Variants in ROBO2 observed in about 807,000 individuals in gnomAD.
ROBO2 encodes roundabout guidance receptor 2.
ROBO2 carries 53 observed loss-of-function variants against 160.8 expected under a neutral mutation model. That is an observed-to-expected ratio of 0.33 (90% confidence interval 0.26 to 0.41). The LOEUF (loss-of-function observed/expected upper bound fraction) is 0.41. ROBO2 is among the 10% of genes least tolerant of loss of function. The pLI is 1.00. For missense variants in ROBO2, 1,577 were observed against 1,722.4 expected (o/e 0.92, Z 1.49); for synonymous variants, 664 against 611.7 (o/e 1.09, Z -1.26).
At chr3:75,916,816 C>T (rs1946829713) in intron 1 of ROBO2, among the ~76,000 whole-genome samples, 1 of 7,504 alleles carries the variant, frequency 1.3e-4, no homozygotes, top group African/African-American at 4.4e-4. Context: ...CTCTTTAGTT[C>T]TTAGCTGATG....
At chr3:77,357,234 C>A (rs1253984366) in intron 2 of ROBO2, among the ~76,000 whole-genome samples, 2 of 152,060 alleles carry the variant, frequency 1.3e-5, no homozygotes, top group Non-Finnish European at 2.9e-5. Flanking sequence ...AGAGGTAGGA[C>A]CTTTATGAGA....
chr3:77,017,592 C>T (rs1402372341), intron 2 of ROBO2, among the ~76,000 whole-genome samples: 1 of 151,996 alleles, frequency 6.6e-6, no homozygotes, highest in African/African-American at 2.4e-5. Context: ...ACTTCTAGGG[C>T]TCTTATGTAA....
In ROBO2 at chr3:76,241,975, C is replaced by A. The variant is rs1705314913; in HGVS notation, c.109+304373C>A. On this transcript the variant is annotated intron_variant, in intron 2 of 26. Transcript: ENST00000487694. ...TAAGGGATACTAGAACTGTCAGATA[C>A]TATAAATAAAGTATGTTGAGTAGAA... Among the ~76,000 whole-genome samples, 3 of 152,142 alleles carry A rather than the reference C, an allele frequency of 2.0e-5. No individual in the cohort carries two copies. In the South Asian group the frequency reaches 6.2e-4, roughly 32 times the overall value.
chr3:77,415,868 G>T (rs2077174958), intron 2 of ROBO2, among the ~76,000 whole-genome samples: 1 of 152,152 alleles, frequency 6.6e-6, no homozygotes, highest in African/African-American at 2.4e-5. Flanking sequence ...AAACAGGAGG[G>T]CATATTACAG....
chr3:77,480,107 T>TA (rs557885792), intron 3 of ROBO2, among the ~76,000 whole-genome samples: 5 of 152,002 alleles, frequency 3.3e-5, no homozygotes, highest in Admixed American at 6.6e-5. Context: ...TTCACCTATG[T>TA]AAAAAAAAGT....
intron 2 of ROBO2, among the ~76,000 whole-genome samples, chr3:77,413,817 A>G (rs1290346247): frequency 6.6e-6 from 1 of 152,188 alleles, no homozygotes; most frequent in East Asian, 1.9e-4. Flanking sequence ...CTGGAGAGAG[A>G]TGCAAATGTT....
At chr3:76,028,126 G>A (rs1382201076) in intron 2 of ROBO2, among the ~76,000 whole-genome samples, 1 of 149,438 alleles carries the variant, frequency 6.7e-6, no homozygotes, top group Non-Finnish European at 1.5e-5. Context: ...AAAATATACT[G>A]AGATGAGAAA....
chr3:76,021,811 A>G (rs981627507), intron 2 of ROBO2, among the ~76,000 whole-genome samples: 1 of 151,770 alleles, frequency 6.6e-6, no homozygotes, highest in African/African-American at 2.4e-5. Flanking sequence ...CAGCTGACCA[A>G]TCAGGGTGGT....
At chr3:77,474,251 C>A (rs1002212415) in intron 2 of ROBO2, among the ~76,000 whole-genome samples, 2 of 152,128 alleles carry the variant, frequency 1.3e-5, no homozygotes, top group Non-Finnish European at 2.9e-5. Flanking sequence ...CCCTAAGAAA[C>A]GGAGTATATA....
chr3:77,289,221 T>C (rs937637677), intron 2 of ROBO2, among the ~76,000 whole-genome samples: 1 of 152,156 alleles, frequency 6.6e-6, no homozygotes, highest in Non-Finnish European at 1.5e-5. Flanking sequence ...TTAATAGCAG[T>C]TTTTAGCCAG....
Position 76,149,616 on chromosome 3 carries a change from A to G in ROBO2, c.109+212014A>G, listed in dbSNP as rs144430109. ...CTAAAACACACATCATCTGTCTAAA[A>G]CACACATCTGTCTAAAGCACACATC... On this transcript the variant is annotated intron_variant, in intron 2 of 26. Coordinates refer to the ROBO2 transcript ENST00000487694. Among the ~76,000 whole-genome samples, 167 of 122,286 alleles carry G rather than the reference A, an allele frequency of 1.4e-3. 21 individuals are homozygous for G. The highest frequency in any genetic ancestry group is 2.0e-3 in the Non-Finnish European group (103 of 52,252). 80.2% of individuals were successfully genotyped at this position (122,286 alleles called of 152,430 possible). A position where few individuals can be genotyped will look rare whatever the true frequency, so the allele number is the denominator to read the frequency against.
intron 2 of ROBO2, among the ~76,000 whole-genome samples, chr3:76,614,167 A>G (rs999256597): frequency 2.0e-5 from 3 of 152,116 alleles, no homozygotes; most frequent in Admixed American, 2.0e-4. Flanking sequence ...TATCAGCCTG[A>G]GTTCAAGAAG....
At chr3:76,571,771 G>GA (rs773554919) in intron 2 of ROBO2, among the ~76,000 whole-genome samples, 4 of 151,704 alleles carry the variant, frequency 2.6e-5, no homozygotes, top group African/African-American at 9.7e-5. Context: ...TTATGTACAG[G>GA]AAAAAAAATG....
chr3:77,446,633 G>A (rs6548508), intron 2 of ROBO2, among the ~76,000 whole-genome samples: 92,683 of 151,886 alleles, frequency 0.61, 28,538 homozygotes, highest in East Asian at 0.71. Flanking sequence ...CTTAAACACT[G>A]TATATGGTTT....
At chr3:76,266,785 T>C (rs1707125807) in intron 2 of ROBO2, among the ~76,000 whole-genome samples, 1 of 152,096 alleles carries the variant, frequency 6.6e-6, no homozygotes, top group African/African-American at 2.4e-5. Context: ...CTACCAAACT[T>C]TTGTGATATT....
chr3:76,443,289 C>T (rs2077013596), intron 2 of ROBO2, among the ~76,000 whole-genome samples: 1 of 152,074 alleles, frequency 6.6e-6, no homozygotes, highest in African/African-American at 2.4e-5. Flanking sequence ...CATTGGAGAT[C>T]ACATTTCAAC....
rs563957048 is a variant in ROBO2, at chr3:76,869,475, G to A, written c.110-228539G>A. ...CGCCATTCTCCTGCCTCAGCCTCCC[G>A]AGTAGCTGGGACTACAGGCTCCCGA... is the stretch of plus-strand genomic sequence containing the variant. On this transcript the variant is annotated intron_variant, in intron 2 of 26. Transcript: ENST00000487694. Among the ~76,000 whole-genome samples the A allele has an allele frequency of 1.7e-4, 24 of 143,896 alleles. No homozygotes were observed. In the East Asian group the frequency reaches 3.5e-3, roughly 21 times the overall value. The allele number at this position is 143,896 out of a possible 152,430, so 94.4% of individuals were successfully genotyped here.
intron 2 of ROBO2, among the ~76,000 whole-genome samples, chr3:76,288,177 A>G (rs1371219262): frequency 6.6e-6 from 1 of 152,164 alleles, no homozygotes; most frequent in Non-Finnish European, 1.5e-5. Context: ...GTCTTTGAAA[A>G]TGAAGTTGAT....
intron 2 of ROBO2, among the ~76,000 whole-genome samples, chr3:76,500,264 G>A (rs964027054): frequency 7.2e-5 from 11 of 151,998 alleles, no homozygotes; most frequent in African/African-American, 1.9e-4. Flanking sequence ...CACTACAGGC[G>A]AAGGCCACCA....
Sources: gnomAD v4.1 joint callset for allele counts (sites outside exome capture counted in the v4.1 genomes callset) on GRCh38, gnomAD v4.1.1 for gene constraint, MANE v1.5 for transcripts, NCBI Gene and HGNC (gene_info 2026-07-23, HGNC 2026-07-21) for gene names.